ALKBH3: variants seen among roughly 807,000 people sequenced by gnomAD.
ALKBH3 encodes alpha-ketoglutarate-dependent dioxygenase alkB homolog 3.
In ALKBH3, 51 loss-of-function variants were observed where a neutral mutation model predicts 43.9. The ratio of observed to expected loss-of-function variants is 1.16; its 90% CI spans 0.93 to 1.47. The LOEUF (loss-of-function observed/expected upper bound fraction) is 1.47, where lower values mean the gene tolerates loss of function less well. Among genes scored for constraint, ALKBH3 ranks in the 40% most tolerant of loss-of-function variants. ALKBH3 has a pLI of 0.00. For missense variants in ALKBH3, 361 were observed against 351.9 expected (o/e 1.03, Z -0.21); for synonymous variants, 102 against 115.2 (o/e 0.89, Z 0.73).
Position 43,897,703 on chromosome 11 carries a change from A to G in ALKBH3, c.460-3813A>G, listed in dbSNP as rs116511955. The G allele has an allele frequency of 7.5e-4, 608 of 814,646 alleles. 2 individuals are homozygous for G. In the African/African-American group the frequency reaches 9.1e-3, roughly 12 times the overall value. 50.5% of individuals were successfully genotyped at this position (814,646 alleles called of 1,614,324 possible). ...GTTGATTACGTTTATTTTGTCCAGA[A>G]GAACTCACTGAATTCTCGGGAACGT... On this transcript the variant is annotated intron_variant, in intron 7 of 9. Coordinates refer to ENST00000302708, the MANE Select transcript of ALKBH3 (RefSeq NM_139178.4).
chr11:43,904,454 T>G (rs1167557945), intron 8 of ALKBH3, among the ~76,000 whole-genome samples: 1 of 145,780 alleles, frequency 6.9e-6, no homozygotes, highest in Admixed American at 6.8e-5. Context: ...AATTGAATAT[T>G]AATATGTTTG....
intron 8 of ALKBH3, among the ~76,000 whole-genome samples, chr11:43,902,922 G>A (rs537911273): frequency 1.4e-4 from 22 of 152,292 alleles, no homozygotes; most frequent in African/African-American, 5.3e-4. Context: ...ATAGACCTAA[G>A]CCAGACCACA....
At chr11:43,918,920 T>C (rs1952004469) in intron 8 of ALKBH3, 118 bp from the exon 9 acceptor site, 2 of 753,906 alleles carry the variant, frequency 2.7e-6, no homozygotes, top group Admixed American at 2.1e-5. Context: ...CAGAGCTATA[T>C]ATGGATTCCC....
At chr11:43,919,871 G>A (rs1280832341) in intron 9 of ALKBH3, 47 bp from the exon 10 acceptor site, 2 of 1,519,756 alleles carry the variant, frequency 1.3e-6, no homozygotes, top group Admixed American at 1.7e-5. Context: ...TGAACTAAAA[G>A]TGTGTATGTG....
At chr11:43,895,509 G>A (rs1951812655) in intron 7 of ALKBH3, among the ~76,000 whole-genome samples, 1 of 152,106 alleles carries the variant, frequency 6.6e-6, no homozygotes, top group Non-Finnish European at 1.5e-5. Context: ...TCTTTTTGTT[G>A]GTAAATTACC....
chr11:43,898,787 A>T, intron 7 of ALKBH3: 1 of 759,036 alleles, frequency 1.3e-6, no homozygotes, highest in South Asian at 1.4e-5. Context: ...CCATTTATTG[A>T]TGACAACACC....
chr11:43,905,957 T>C (rs910472402), intron 8 of ALKBH3, among the ~76,000 whole-genome samples: 9 of 152,204 alleles, frequency 5.9e-5, no homozygotes, highest in Admixed American at 5.9e-4. Context: ...GGGGTGTTAT[T>C]AGATAATAGC....
intron 3 of ALKBH3, 21 bp from the exon 4 acceptor site, chr11:43,883,962 G>T (rs1366954302): frequency 6.2e-7 from 1 of 1,613,358 alleles, no homozygotes; most frequent in Non-Finnish European, 8.5e-7. Context: ...CCAGAAGTAA[G>T]ATCCGCCTAT....
intron 8 of ALKBH3, among the ~76,000 whole-genome samples, chr11:43,914,726 T>G (rs1337020527): frequency 6.6e-6 from 1 of 152,138 alleles, no homozygotes; most frequent in East Asian, 1.9e-4. Flanking sequence ...ATAAGTACAG[T>G]TAAAAGGCAA....
At chr11:43,916,219 C>T (rs1244309281) in intron 8 of ALKBH3, among the ~76,000 whole-genome samples, 8 of 152,100 alleles carry the variant, frequency 5.3e-5, no homozygotes, top group South Asian at 4.1e-4. Flanking sequence ...ACAGTAAATA[C>T]ATCCAGATTT....
At chr11:43,889,473 A>G (rs1275404309) in intron 5 of ALKBH3, among the ~76,000 whole-genome samples, 3 of 152,182 alleles carry the variant, frequency 2.0e-5, no homozygotes, top group African/African-American at 4.8e-5. Context: ...ATTATGATCT[A>G]TAAAAGCCCT....
At chr11:43,884,105 G>T in intron 4 of ALKBH3, 88 bp downstream of exon 4, 2 of 1,492,010 alleles carry the variant, frequency 1.3e-6, no homozygotes, top group African/African-American at 1.4e-5. Context: ...CTATCTGGAA[G>T]AGAATGGCCC....
chr11:43,902,383 T>C (rs912413312), intron 8 of ALKBH3, among the ~76,000 whole-genome samples: 8 of 152,184 alleles, frequency 5.3e-5, no homozygotes, highest in Non-Finnish European at 1.5e-5. Context: ...TTACCTCAAT[T>C]ATGTGACATT....
intron 3 of ALKBH3, 79 bp downstream of exon 3, chr11:43,883,267 A>T: frequency 1.0e-6 from 1 of 963,980 alleles, no homozygotes; most frequent in South Asian, 1.5e-5. Flanking sequence ...CACTCAAATA[A>T]ATAATGACTG....
intron 7 of ALKBH3, among the ~76,000 whole-genome samples, chr11:43,896,544 T>C (rs1951820391): frequency 6.6e-6 from 1 of 152,178 alleles, no homozygotes; most frequent in Admixed American, 6.5e-5. Flanking sequence ...CTGATTAGAT[T>C]GTGCTCACCA....
At chr11:43,891,680 C>A (rs1951784423) in intron 6 of ALKBH3, among the ~76,000 whole-genome samples, 1 of 150,902 alleles carries the variant, frequency 6.6e-6, no homozygotes, top group Non-Finnish European at 1.5e-5. Context: ...CCACAAATTT[C>A]TGCAGACAGG....
chr11:43,885,944 T>A (rs1339692814), intron 4 of ALKBH3, among the ~76,000 whole-genome samples: 2 of 152,150 alleles, frequency 1.3e-5, no homozygotes, highest in Non-Finnish European at 2.9e-5. Context: ...GAATGAGAGT[T>A]TTCCACTGGA....
intron 8 of ALKBH3, among the ~76,000 whole-genome samples, chr11:43,915,610 C>A (rs1439059092): frequency 6.6e-6 from 1 of 152,084 alleles, no homozygotes; most frequent in African/African-American, 2.4e-5. Context: ...TTAGTACTAG[C>A]ATAATGCCTG....
In ALKBH3 at chr11:43,882,992, C is replaced by T. The variant is rs1347980955; in HGVS notation, c.80-93C>T. The T allele has an allele frequency of 4.1e-5, 41 of 1,008,034 alleles. No homozygotes were observed. In the Admixed American group the frequency reaches 1.0e-3, roughly 25 times the overall value. The allele number at this position is 1,008,034 out of a possible 1,614,324, so 62.4% of individuals were successfully genotyped here. A position where few individuals can be genotyped will look rare whatever the true frequency, so the allele number is the denominator to read the frequency against. ...GTTAGTTTCTACATGTCATAGAGAT[C>T]ATCTCCAAGTGGGCTTTATTGGCCC... On this transcript the variant is annotated intron_variant, in intron 2 of 9. Coordinates refer to ENST00000302708, the MANE Select transcript of ALKBH3 (RefSeq NM_139178.4).
Sources: allele counts gnomAD v4.1 joint callset (sites outside exome capture counted in the v4.1 genomes callset), GRCh38; gene constraint gnomAD v4.1.1; transcripts MANE v1.5; gene names NCBI Gene and HGNC (gene_info 2026-07-23, HGNC 2026-07-21).